AKAP9: variants seen among roughly 807,000 people sequenced by gnomAD.
The protein encoded by AKAP9 is A-kinase anchor protein 9.
In AKAP9, 311 loss-of-function variants were observed where a neutral mutation model predicts 488.5. The ratio of observed to expected loss-of-function variants is 0.64; its 90% CI spans 0.58 to 0.70. The LOEUF is 0.70. AKAP9 is among the 30% of genes least tolerant of loss of function. The probability of loss-of-function intolerance (pLI) is 0.00; values close to 1 mark genes in which losing one functional copy is unlikely to be tolerated. For synonymous variants in AKAP9, 1,462 were observed against 1,483.5 expected (o/e 0.99, Z 0.33); for missense variants, 4,215 against 4,374.5 (o/e 0.96, Z 1.03).
At chr7:91,986,745 C>T (rs1370188300) in intron 3 of AKAP9, among the ~76,000 whole-genome samples, 1 of 151,750 alleles carries the variant, frequency 6.6e-6, no homozygotes, top group Non-Finnish European at 1.5e-5. Flanking sequence ...TCTGAGATGC[C>T]TAGTAAATAT....
At chr7:92,081,497 A>ATATTTT (rs1370452281) in intron 31 of AKAP9, among the ~76,000 whole-genome samples, 4 of 85,378 alleles carry the variant, frequency 4.7e-5, no homozygotes, top group Admixed American at 4.2e-4. Flanking sequence ...ATATATATAT[A>ATATTTT]TTTTTTTTTT....
chr7:91,944,606 C>T (rs1387446993), intron 1 of AKAP9, among the ~76,000 whole-genome samples: 2 of 152,060 alleles, frequency 1.3e-5, no homozygotes, highest in Non-Finnish European at 1.5e-5. Context: ...AGGCTGGTCT[C>T]GAACTCCTGC....
intron 19 of AKAP9, 34 bp from the exon 20 acceptor site, chr7:92,042,634 C>T (rs749613776): frequency 6.8e-7 from 1 of 1,478,394 alleles, no homozygotes; most frequent in Non-Finnish European, 9.4e-7. Flanking sequence ...TTCTTTCTGT[C>T]TTCTCCTCTC....
rs141990258 is a variant in AKAP9, at chr7:92,042,055, A to G, written c.4927A>G (p.Ile1643Val). 3.0e-5 allele frequency: 49 copies of G among 1,613,628 alleles called. No homozygotes were observed. The highest frequency in any genetic ancestry group is 4.0e-5 in the Non-Finnish European group (47 of 1,179,820). Residue 1643 changes from isoleucine to valine, a missense_variant, in exon 19 of 50, where the codon ATA becomes GTA. Transcript: ENST00000356239. ...CTTTTTTCTTATTTAGAGATCCTCC[A>G]TAGATAATGAAAACCTGGTTTCAGA... is the stretch of plus-strand genomic sequence containing the variant. ...LNRQLAQRSSIDNENLVSERE... is the reference protein window; with the variant it reads ...LNRQLAQRSSVDNENLVSERE...
chr7:91,987,401 A>G (rs1001121899), intron 3 of AKAP9, among the ~76,000 whole-genome samples: 1 of 152,046 alleles, frequency 6.6e-6, no homozygotes, highest in Non-Finnish European at 1.5e-5. Flanking sequence ...CCTGGGCAAC[A>G]AGGGTGAAAT....
rs996392962 is a variant in AKAP9 at position 91,953,814 on chromosome 7, C to T, written c.48+12667C>T. On this transcript the variant is annotated intron_variant, in intron 1 of 49. Transcript: ENST00000356239. ...CTAATGTTATTTCTTTACCCCCCGC[C>T]CCCCACCACACACAAAAATCTCATC... Among the ~76,000 whole-genome samples, 93 of 94,172 alleles carry T rather than the reference C, an allele frequency of 9.9e-4. 1 individual carries two copies. The highest frequency in any genetic ancestry group is 3.1e-3 in the African/African-American group (89 of 28,428). 61.8% of individuals were successfully genotyped at this position (94,172 alleles called of 152,430 possible).
intron 28 of AKAP9, among the ~76,000 whole-genome samples, chr7:92,074,700 A>ACG (rs1812281093): frequency 6.6e-6 from 1 of 152,210 alleles, no homozygotes; most frequent in Non-Finnish European, 1.5e-5. Flanking sequence ...GGATGAGTTC[A>ACG]TGTCCTTTGC....
chr7:92,030,021 C>G (rs780675199), intron 15 of AKAP9, 30 bp downstream of exon 15: 44 of 1,384,176 alleles, frequency 3.2e-5, no homozygotes, highest in Middle Eastern at 2.4e-4. Flanking sequence ...TATCTTTTAA[C>G]TGTTATATAC....
intron 38 of AKAP9, 26 bp downstream of exon 38, chr7:92,089,555 G>C (rs1413073104): frequency 1.2e-6 from 2 of 1,609,210 alleles, no homozygotes; most frequent in East Asian, 2.2e-5. Context: ...AGCTCATATG[G>C]TTACACAAAC....
intron 16 of AKAP9, among the ~76,000 whole-genome samples, chr7:92,036,541 C>G (rs1805231936): frequency 6.6e-6 from 1 of 152,136 alleles, no homozygotes; most frequent in Non-Finnish European, 1.5e-5. Flanking sequence ...TGTAAATATT[C>G]TCAGCCATTA....
At position 92,102,683 on chromosome 7, in the gene AKAP9, C is replaced by T; in HGVS notation, c.11187C>T (p.Phe3729=). ...KKYLLLLLGG[F]QECEDATLAL... Reference sequence around the variant, plus strand: ...ACCTGCTGCTGTTACTGGGTGGGTTCCAGGAATGTGAAGATGCCACCTTGG... The same window carrying T: ...ACCTGCTGCTGTTACTGGGTGGGTTTCAGGAATGTGAAGATGCCACCTTGG... The change falls in exon 46 of 50, where the codon TTC becomes TTT. Residue 3729 remains phenylalanine, a synonymous_variant. Transcript: ENST00000356239. 1 of 1,614,162 alleles carries T rather than the reference C, an allele frequency of 6.2e-7. No homozygotes were observed. The highest frequency in any genetic ancestry group is 1.1e-5 in the South Asian group (1 of 91,074).
At chr7:92,026,948 T>C (rs1187631756) in intron 14 of AKAP9, among the ~76,000 whole-genome samples, 42 of 92,290 alleles carry the variant, frequency 4.6e-4, no homozygotes, top group South Asian at 1.2e-3. Context: ...CCGGCCGCCC[T>C]GTCTGGGATG....
chr7:92,049,967 G>A lies in AKAP9; in HGVS notation c.5369-2759G>A, dbSNP rs1161931104. 3.3e-5 allele frequency among the ~76,000 whole-genome samples: 5 copies of A among 151,684 alleles called. No homozygotes were observed. In the South Asian group the frequency reaches 1.0e-3, roughly 32 times the overall value. ...TCCTCATGTTGATTCCTTCTCTATA[G>A]CCCAAAACATTAGACTGTCTTCATA... On this transcript the variant is annotated intron_variant, in intron 21 of 49. Coordinates refer to ENST00000356239, the MANE Select transcript of AKAP9 (RefSeq NM_005751.5).
rs1278682791 is a variant in AKAP9, at chr7:92,061,250, C to T, written c.5602-10C>T. ...ATTTTCTTTTATGTATTGTTTCCCT[C>T]TTTGTTTAGCTTGAACATGCGAAAG... On this transcript the variant is annotated splice_polypyrimidine_tract_variant and intron_variant, in intron 22 of 49. Transcript: ENST00000356239. 2 of 1,611,140 alleles carry T rather than the reference C, an allele frequency of 1.2e-6. No individual in the cohort carries two copies. Among genetic ancestry groups the T allele is most frequent in the Non-Finnish European group, 1.7e-6 (2 of 1,178,056 alleles).
intron 3 of AKAP9, among the ~76,000 whole-genome samples, chr7:91,985,065 A>C (rs150199403): frequency 0.013 from 1,997 of 152,266 alleles, 39 homozygotes; most frequent in African/African-American, 0.045. Context: ...GCAAACAGGG[A>C]CGATTTGACT....
intron 7 of AKAP9, among the ~76,000 whole-genome samples, chr7:91,999,875 T>TTCAG (rs1798924148): frequency 6.6e-6 from 1 of 152,118 alleles, no homozygotes; most frequent in African/African-American, 2.4e-5. Flanking sequence ...CATTCATTCA[T>TTCAG]TCATTCAAGG....
At chr7:92,096,629 G>A (rs938422041) in intron 40 of AKAP9, 60 bp from the exon 41 acceptor site, 83 of 1,599,228 alleles carry the variant, frequency 5.2e-5, no homozygotes, top group East Asian at 5.0e-4. Flanking sequence ...GAGCCACCAC[G>A]CCCGGCCAAG....
intron 14 of AKAP9, among the ~76,000 whole-genome samples, chr7:92,027,432 G>A (rs932645474): frequency 7.8e-5 from 11 of 141,554 alleles, no homozygotes; most frequent in African/African-American, 2.4e-4. Context: ...CTGCCCGGCC[G>A]CCCTGTCTGG....
chr7:92,076,718 A>G (rs1812642381), intron 28 of AKAP9, 137 bp from the exon 29 acceptor site: 4 of 508,060 alleles, frequency 7.9e-6, no homozygotes, highest in Non-Finnish European at 1.3e-5. Flanking sequence ...CCTGGCTTAG[A>G]AAAACCACAT....
Sources: gnomAD v4.1 joint callset for allele counts (sites outside exome capture counted in the v4.1 genomes callset) on GRCh38, gnomAD v4.1.1 for gene constraint, MANE v1.5 for transcripts, NCBI Gene and HGNC (gene_info 2026-07-23, HGNC 2026-07-21) for gene names.